The following DLC1 variants were observed in gnomAD, a reference collection of about 807,000 sequenced individuals.
DLC1 encodes the protein DLC1 Rho GTPase activating protein.
In DLC1, 54 loss-of-function variants were observed where a neutral mutation model predicts 140.3. That is an observed-to-expected ratio of 0.38 (90% CI 0.31 to 0.48). The LOEUF (loss-of-function observed/expected upper bound fraction) is 0.48, where lower values mean the gene tolerates loss of function less well. DLC1 is among the 20% of genes least tolerant of loss of function. The pLI is 0.96. For missense variants in DLC1, 2,536 were observed against 1,907.0 expected, an observed-to-expected ratio of 1.33 and a Z score of -6.14; for synonymous variants, 986 against 728.1, an observed-to-expected ratio of 1.35 and a Z score of -5.70.
intron 2 of DLC1, among the ~76,000 whole-genome samples, chr8:13,447,750 G>C (rs1490684164): frequency 6.6e-6 from 1 of 152,164 alleles, no homozygotes; most frequent in African/African-American, 2.4e-5. Flanking sequence ...GCTGGAGTAT[G>C]AGGTGTTATT....
chr8:13,277,877 C>T (rs1831231328), intron 5 of DLC1, among the ~76,000 whole-genome samples: 1 of 152,160 alleles, frequency 6.6e-6, no homozygotes, highest in Admixed American at 6.5e-5. Context: ...TATTTTTACA[C>T]ACAAAGTCAT....
At chr8:13,486,089 T>G (rs1800955489) in intron 2 of DLC1, among the ~76,000 whole-genome samples, 1 of 152,166 alleles carries the variant, frequency 6.6e-6, no homozygotes, top group Admixed American at 6.5e-5. Flanking sequence ...GAGAAAGCAC[T>G]TTGTAACTTT....
At chr8:13,504,306 C>A (rs7006809) in intron 1 of DLC1, among the ~76,000 whole-genome samples, 19,281 of 151,812 alleles carry the variant, frequency 0.13, 2,251 homozygotes, top group East Asian at 0.38. Context: ...TTTTATTTTT[C>A]CTAGAGACAG....
rs76692816 is a variant in DLC1, at chr8:13,427,163, A to C, written c.1024-25544T>G. Among the ~76,000 whole-genome samples, 96 of 152,168 alleles carry C rather than the reference A, an allele frequency of 6.3e-4. 1 individual carries two copies. The East Asian group carries it at 0.017, about 27-fold the overall frequency. ...CTCTTGGCTCTCTCCCTGCCTACTC[A>C]ATTCCATGCCCCACTGTACGGTTAA... On this transcript the variant is annotated intron_variant, in intron 2 of 17. Transcript: ENST00000276297.
chr8:13,531,413 C>A (rs1055883399), intron 1 of DLC1, among the ~76,000 whole-genome samples: 1 of 152,074 alleles, frequency 6.6e-6, no homozygotes, highest in Non-Finnish European at 1.5e-5. Flanking sequence ...TGGTGAAACC[C>A]CATCTCTACT....
rs555586322 is a variant in DLC1, at chr8:13,091,450, A to G, written c.3741-18T>C. 1.2e-5 allele frequency: 20 copies of G among 1,601,326 alleles called. No homozygotes were observed. The East Asian group carries it at 2.5e-4, about 20-fold the overall frequency. ...GCATTACCCTAGGTAGAAGAAATAC[A>G]GGAGGGGAACAGTTCAAATATTTAT... On this transcript the variant is annotated intron_variant, in intron 13 of 17. Transcript: ENST00000276297.
At chr8:13,468,671 G>A (rs1452727672) in intron 2 of DLC1, among the ~76,000 whole-genome samples, 1 of 150,862 alleles carries the variant, frequency 6.6e-6, no homozygotes, top group Admixed American at 6.6e-5. Context: ...CAGCATGTCA[G>A]GCTGCCACTT....
At chr8:13,469,480 A>G (rs1163658148) in intron 2 of DLC1, among the ~76,000 whole-genome samples, 1 of 152,134 alleles carries the variant, frequency 6.6e-6, no homozygotes, top group Admixed American at 6.5e-5. Flanking sequence ...TTTTTCATCA[A>G]TTTGTACCAG....
At chr8:13,349,232 A>G (rs1209980339) in intron 4 of DLC1, among the ~76,000 whole-genome samples, 1 of 152,144 alleles carries the variant, frequency 6.6e-6, no homozygotes, top group East Asian at 1.9e-4. Flanking sequence ...TCCCTAGGAA[A>G]GATGATGAAG....
At chr8:13,196,189 T>A (rs1585888691) in intron 5 of DLC1, among the ~76,000 whole-genome samples, 2 of 151,704 alleles carry the variant, frequency 1.3e-5, no homozygotes, top group Admixed American at 1.3e-4. Context: ...GGAAGGAGAA[T>A]AGGACTGGAG....
At chr8:13,142,458 T>A (rs1305059746) in intron 5 of DLC1, among the ~76,000 whole-genome samples, 1 of 152,200 alleles carries the variant, frequency 6.6e-6, no homozygotes, top group Non-Finnish European at 1.5e-5. Flanking sequence ...ATTAGAAAAG[T>A]CTGCTAAATT....
chr8:13,406,437 A>T (rs187041295), intron 2 of DLC1, among the ~76,000 whole-genome samples: 100 of 152,272 alleles, frequency 6.6e-4, no homozygotes, highest in Middle Eastern at 6.8e-3. Context: ...TATAAATTTT[A>T]AAAAAGTTTA....
At chr8:13,238,437 C>G (rs1829391015) in intron 5 of DLC1, among the ~76,000 whole-genome samples, 1 of 151,844 alleles carries the variant, frequency 6.6e-6, no homozygotes. Flanking sequence ...CATTTGAGCT[C>G]AAGAGGTGGA....
chr8:13,137,966 C>T (rs1292843326), intron 5 of DLC1, among the ~76,000 whole-genome samples: 1 of 152,112 alleles, frequency 6.6e-6, no homozygotes, highest in East Asian at 1.9e-4. Flanking sequence ...TTTTCCCATT[C>T]AACTGTGGTA....
Position 13,237,238 on chromosome 8 carries a change from T to TAC in DLC1, c.1348+68030_1348+68031insGT, listed in dbSNP as rs776586833. 2.4e-3 allele frequency among the ~76,000 whole-genome samples: 274 copies of TAC among 116,194 alleles called. 1 individual carries two copies. The highest frequency in any genetic ancestry group is 8.1e-3 in the African/African-American group (254 of 31,482). 76.2% of individuals were successfully genotyped at this position (116,194 alleles called of 152,430 possible). On this transcript the variant is annotated intron_variant, in intron 5 of 17. Coordinates refer to ENST00000276297, the MANE Select transcript of DLC1 (RefSeq NM_182643.3). ...GTGTGTGTGTGTATACATATATATA[T>TAC]ATACACACACACACACATATATGTG...
At chr8:13,235,662 T>C (rs956208551) in intron 5 of DLC1, among the ~76,000 whole-genome samples, 2 of 152,040 alleles carry the variant, frequency 1.3e-5, no homozygotes, top group African/African-American at 4.8e-5. Flanking sequence ...GCTTTTTTTT[T>C]AGGTGAAAGA....
intron 5 of DLC1, among the ~76,000 whole-genome samples, chr8:13,138,154 T>C (rs575770731): frequency 6.6e-6 from 1 of 152,290 alleles, no homozygotes; most frequent in South Asian, 2.1e-4. Context: ...ACTAAAGCAC[T>C]GACAGGCACT....
chr8:13,112,998 A>AT (rs1384729271), intron 6 of DLC1, among the ~76,000 whole-genome samples: 19 of 152,248 alleles, frequency 1.2e-4, no homozygotes. Flanking sequence ...TAACTATGTT[A>AT]TTTTAGGAAT....
chr8:13,381,591 T>C (rs1016657497), intron 4 of DLC1, among the ~76,000 whole-genome samples: 2 of 152,228 alleles, frequency 1.3e-5, no homozygotes, highest in Admixed American at 6.5e-5. Context: ...AAAGCTTCTA[T>C]GACGTAAGAA....
Sources: gnomAD v4.1 joint callset for allele counts (sites outside exome capture counted in the v4.1 genomes callset) on GRCh38, gnomAD v4.1.1 for gene constraint, MANE v1.5 for transcripts, NCBI Gene and HGNC (gene_info 2026-07-23, HGNC 2026-07-21) for gene names.